Variants in DMD observed in about 807,000 individuals in gnomAD.
DMD encodes dystrophin.
Under a neutral mutation model 330.1 loss-of-function variants are expected in DMD, and 63 were observed. The observed-to-expected ratio is 0.19, with a 90% CI of 0.16 to 0.24. The LOEUF (loss-of-function observed/expected upper bound fraction) is 0.24. DMD is among the 10% of genes least tolerant of loss of function. The probability of loss-of-function intolerance (pLI) is 1.00; values close to 1 mark genes in which losing one functional copy is unlikely to be tolerated. For missense variants in DMD, 3,344 were observed against 2,684.1 expected, an observed-to-expected ratio of 1.25 and a Z score of -5.43; for synonymous variants, 1,223 against 959.8, an observed-to-expected ratio of 1.27 and a Z score of -5.07.
intron 7 of DMD, among the ~76,000 whole-genome samples, chrX:32,807,816 C>T (rs890048463): frequency 2.7e-5 from 3 of 111,709 alleles, no homozygotes; most frequent in African/African-American, 9.8e-5. Context: ...GGTCAAAAGC[C>T]ATTTTGTCAC....
At chrX:31,467,864 G>A (rs188226015) in intron 59 of DMD, among the ~76,000 whole-genome samples, 8 of 111,527 alleles carry the variant, frequency 7.2e-5, no homozygotes, top group Admixed American at 4.7e-4. Context: ...GTCTATTCAG[G>A]GATTCGATTT....
Position 32,777,521 on chromosome X carries a change from G to C in DMD, c.649+31972C>G, listed in dbSNP as rs186577345. 5.3e-4 allele frequency among the ~76,000 whole-genome samples: 59 copies of C among 110,339 alleles called. 1 individual carries two copies. In the East Asian group the frequency reaches 0.015, roughly 28 times the overall value. ...TACTGTTATTATTTCAGTCATTGGG[G>C]AAAGTTATGCTTCCTTCAGATGGGG... On this transcript the variant is annotated intron_variant, in intron 7 of 78. Coordinates refer to ENST00000357033, the MANE Select transcript of DMD (RefSeq NM_004006.3).
intron 2 of DMD, among the ~76,000 whole-genome samples, chrX:32,986,516 C>T (rs2092848803): frequency 8.9e-6 from 1 of 112,175 alleles, no homozygotes; most frequent in Non-Finnish European, 1.9e-5. Flanking sequence ...GCACACACAA[C>T]ACATTACGGC....
At chrX:33,313,533 A>G (rs994458504) in intron 1 of DMD, among the ~76,000 whole-genome samples, 1 of 111,641 alleles carries the variant, frequency 9.0e-6, no homozygotes, top group Non-Finnish European at 1.9e-5. Context: ...TACATGCTCA[A>G]TCTACTAAGT....
chrX:32,489,730 GTACTAT>G (rs199562580), intron 20 of DMD, among the ~76,000 whole-genome samples: 2,280 of 111,752 alleles, frequency 0.02, 55 homozygotes, highest in African/African-American at 0.071. Context: ...TACTGTGTAG[GTACTAT>G]TACTAACTAC....
At chrX:33,314,339 C>G (rs1469197384) in intron 1 of DMD, among the ~76,000 whole-genome samples, 1 of 109,306 alleles carries the variant, frequency 9.1e-6, no homozygotes, top group African/African-American at 3.3e-5. Flanking sequence ...CTCACTGCAA[C>G]CTCTATCTCC....
At chrX:31,784,551 C>A (rs777261619) in intron 50 of DMD, among the ~76,000 whole-genome samples, 1 of 112,117 alleles carries the variant, frequency 8.9e-6, no homozygotes, top group African/African-American at 3.2e-5. Flanking sequence ...TAGTCCCCAA[C>A]TTACTAAGGT....
intron 44 of DMD, among the ~76,000 whole-genome samples, chrX:32,109,207 T>C (rs1404478658): frequency 9.0e-6 from 1 of 111,515 alleles, no homozygotes; most frequent in Non-Finnish European, 1.9e-5. Flanking sequence ...CTCTCTACAC[T>C]CAATCTATCT....
chrX:32,516,547 C>T (rs2045879005), intron 18 of DMD: 1 of 111,441 alleles, frequency 9.0e-6, no homozygotes, highest in South Asian at 3.7e-4. Flanking sequence ...ATTTTCCTGC[C>T]TGATCAAAGC....
intron 76 of DMD, among the ~76,000 whole-genome samples, chrX:31,143,226 A>G (rs969685330): frequency 1.8e-5 from 2 of 110,936 alleles, no homozygotes; most frequent in Non-Finnish European, 3.8e-5. Flanking sequence ...GTGCTGCGGG[A>G]GGGGTCCGGT....
intron 37 of DMD, among the ~76,000 whole-genome samples, chrX:32,358,561 T>A (rs1446120565): frequency 8.9e-6 from 1 of 112,202 alleles, no homozygotes; most frequent in Non-Finnish European, 1.9e-5. Flanking sequence ...CATTGGATAC[T>A]CTTAGGTAAC....
intron 17 of DMD, among the ~76,000 whole-genome samples, chrX:32,529,032 C>T (rs781552469): frequency 2.1e-3 from 224 of 107,094 alleles, no homozygotes; most frequent in Non-Finnish European, 3.7e-3. Flanking sequence ...CACCATTCTC[C>T]TGCCTCAGCC....
intron 1 of DMD, among the ~76,000 whole-genome samples, chrX:33,161,053 A>G (rs17339016): frequency 0.066 from 7,360 of 111,755 alleles, 270 homozygotes; most frequent in South Asian, 0.2. Flanking sequence ...ATTTTGTTGC[A>G]TATGAAATAC....
intron 60 of DMD, among the ~76,000 whole-genome samples, chrX:31,386,026 C>G (rs1261102420): frequency 8.9e-6 from 1 of 112,231 alleles, no homozygotes; most frequent in Non-Finnish European, 1.9e-5. Flanking sequence ...CACATATACA[C>G]CATGGAATAC....
chrX:32,218,249 A>G (rs964132059), intron 43 of DMD, among the ~76,000 whole-genome samples: 2 of 111,727 alleles, frequency 1.8e-5, no homozygotes, highest in Non-Finnish European at 1.9e-5. Context: ...TGGAGGTTGG[A>G]CACTGACGCT....
chrX:31,581,907 A>T (rs182619123), intron 55 of DMD, among the ~76,000 whole-genome samples: 1 of 111,866 alleles, frequency 8.9e-6, no homozygotes, highest in African/African-American at 3.2e-5. Flanking sequence ...TTTTAATATT[A>T]AAACATCGAC....
At chrX:32,049,869 T>C (rs916752477) in intron 44 of DMD, among the ~76,000 whole-genome samples, 1 of 111,422 alleles carries the variant, frequency 9.0e-6, no homozygotes, top group Non-Finnish European at 1.9e-5. Context: ...GTATTCTTAC[T>C]GGGGTGTTCC....
At chrX:31,669,832 T>C (rs1324431660) in intron 53 of DMD, among the ~76,000 whole-genome samples, 1 of 100,194 alleles carries the variant, frequency 1.0e-5, no homozygotes, top group East Asian at 3.0e-4. Flanking sequence ...GATCCACTTG[T>C]CAATTTCTGA....
chrX:32,628,822 A>C (rs2058543852), intron 11 of DMD, among the ~76,000 whole-genome samples: 1 of 111,749 alleles, frequency 8.9e-6, no homozygotes, highest in African/African-American at 3.3e-5. Context: ...GTGTCTCTAT[A>C]GTTTCCAAAA....
Sources: allele counts gnomAD v4.1 joint callset (sites outside exome capture counted in the v4.1 genomes callset), GRCh38; gene constraint gnomAD v4.1.1; transcripts MANE v1.5; gene names NCBI Gene and HGNC (gene_info 2026-07-23, HGNC 2026-07-21).